SCFD1: variants seen among roughly 807,000 people sequenced by gnomAD.
The protein encoded by SCFD1 is sec1 family domain-containing protein 1.
Under a neutral mutation model 103.2 loss-of-function variants are expected in SCFD1, and 37 were observed. The observed-to-expected ratio is 0.36, with a 90% confidence interval of 0.28 to 0.47. SCFD1 has a LOEUF of 0.47. Ranked by LOEUF, SCFD1 falls within the 20% of genes least tolerant of loss-of-function variation. The probability of loss-of-function intolerance (pLI) is 1.00; values close to 1 mark genes in which losing one functional copy is unlikely to be tolerated. For synonymous variants in SCFD1, 264 were observed against 245.0 expected (o/e 1.08, Z -0.73); for missense variants, 639 against 761.2 (o/e 0.84, Z 1.89).
chr14:30,655,895 A>G (rs1886851848), intron 10 of SCFD1, among the ~76,000 whole-genome samples: 1 of 152,168 alleles, frequency 6.6e-6, no homozygotes, highest in Admixed American at 6.5e-5. Flanking sequence ...GGGGAGGCCA[A>G]GGCAGGAGGA....
chr14:30,702,403 T>G, intron 17 of SCFD1, 28 bp downstream of exon 17: 1 of 1,404,314 alleles, frequency 7.1e-7, no homozygotes, highest in Non-Finnish European at 9.9e-7. Context: ...CTTTAATTCC[T>G]GTCATTTAAA....
intron 23 of SCFD1, among the ~76,000 whole-genome samples, chr14:30,728,608 G>A (rs557740525): frequency 2.0e-5 from 3 of 152,168 alleles, no homozygotes; most frequent in Admixed American, 6.5e-5. Flanking sequence ...GAATTGTTGC[G>A]TCACTTAGTA....
Position 30,680,550 on chromosome 14 carries a change from A to G in SCFD1, c.1242+5485A>G, listed in dbSNP as rs79023281. ...CTACCATGCTGTAGTTCCATAAAAC[A>G]TATCTACTAAAATTCAGTGAGAATG... On this transcript the variant is annotated intron_variant, in intron 14 of 24. Transcript: ENST00000458591. Among the ~76,000 whole-genome samples, 744 of 152,320 alleles carry G rather than the reference A, an allele frequency of 4.9e-3. 7 individuals are homozygous for G. The highest frequency in any genetic ancestry group is 0.016 in the African/African-American group (685 of 41,572).
intron 11 of SCFD1, among the ~76,000 whole-genome samples, chr14:30,671,254 A>T (rs1039063794): frequency 6.6e-6 from 1 of 152,078 alleles, no homozygotes; most frequent in Non-Finnish European, 1.5e-5. Flanking sequence ...GCCATAACAA[A>T]GATTTGACTT....
At chr14:30,719,260 TA>T in intron 20 of SCFD1, 64 bp from the exon 21 acceptor site, 2 of 1,014,248 alleles carry the variant, frequency 2.0e-6, no homozygotes, top group Non-Finnish European at 3.0e-6. Flanking sequence ...TAGGATACTC[TA>T]AGCCAAACTG....
chr14:30,639,972 C>T, intron 6 of SCFD1, 108 bp downstream of exon 6: 3 of 1,258,216 alleles, frequency 2.4e-6, no homozygotes. Context: ...TTGTTTACAG[C>T]AGTAGAGCTA....
At chr14:30,671,439 T>A (rs1022642043) in intron 11 of SCFD1, among the ~76,000 whole-genome samples, 1 of 152,160 alleles carries the variant, frequency 6.6e-6, no homozygotes, top group Admixed American at 6.5e-5. Flanking sequence ...TAGAGAGGCA[T>A]TATTTATAGA....
At chr14:30,721,658 A>C in intron 21 of SCFD1, 2 of 511,890 alleles carry the variant, frequency 3.9e-6, no homozygotes, top group Non-Finnish European at 6.9e-6. Context: ...GGGTTGACCC[A>C]TTTCCTTTTA....
intron 3 of SCFD1, among the ~76,000 whole-genome samples, chr14:30,632,145 G>A (rs1347044362): frequency 6.6e-6 from 1 of 150,956 alleles, no homozygotes; most frequent in African/African-American, 2.4e-5. Context: ...CAATTTTATG[G>A]TGTTCTAAGC....
intron 7 of SCFD1, 79 bp from the exon 8 acceptor site, chr14:30,649,448 AT>A: frequency 1.2e-6 from 1 of 835,860 alleles, no homozygotes; most frequent in Non-Finnish European, 1.9e-6. Context: ...CACATCTGTT[AT>A]TTTTGATGCT....
At chr14:30,674,817 A>G (rs1421964836) in intron 13 of SCFD1, among the ~76,000 whole-genome samples, 167 bp from the exon 14 acceptor site, 3 of 152,204 alleles carry the variant, frequency 2.0e-5, no homozygotes, top group Non-Finnish European at 4.4e-5. Context: ...ATTAATAAAT[A>G]CTGTAGGTGT....
intron 4 of SCFD1, among the ~76,000 whole-genome samples, chr14:30,636,788 T>G (rs1014183686): frequency 6.6e-6 from 1 of 152,128 alleles, no homozygotes; most frequent in African/African-American, 2.4e-5. Flanking sequence ...TTAATGCTTA[T>G]TATGAATGGA....
intron 10 of SCFD1, among the ~76,000 whole-genome samples, chr14:30,668,620 GA>G (rs1188843666): frequency 2.0e-5 from 3 of 152,104 alleles, no homozygotes; most frequent in Non-Finnish European, 4.4e-5. Flanking sequence ...GCGGCCTACA[GA>G]ATGGGAGAAA....
At chr14:30,677,028 T>C (rs1392243201) in intron 14 of SCFD1, among the ~76,000 whole-genome samples, 1 of 152,218 alleles carries the variant, frequency 6.6e-6, no homozygotes, top group Non-Finnish European at 1.5e-5. Context: ...CAATTCTACT[T>C]GAAGACCTCT....
rs543860878 is a variant in SCFD1 at position 30,718,040 on chromosome 14, A to T, written c.1684-1285A>T. ...TTACCCAAGGACACACAGCTAATAA[A>T]TGTCAAACTGAAGATTTTAACTAAA... On this transcript the variant is annotated intron_variant, in intron 20 of 24. Transcript: ENST00000458591. 3.9e-5 allele frequency among the ~76,000 whole-genome samples: 6 copies of T among 152,308 alleles called. No homozygotes were observed. The South Asian group carries it at 1.0e-3, about 26-fold the overall frequency.
At chr14:30,628,080 T>C (rs1273652262) in intron 1 of SCFD1, 129 bp from the exon 2 acceptor site, 7 of 610,348 alleles carry the variant, frequency 1.1e-5, no homozygotes, top group Admixed American at 5.7e-5. Context: ...TCTACACATA[T>C]AGTCATTTGG....
chr14:30,730,406 T>C (rs941142171), intron 23 of SCFD1, among the ~76,000 whole-genome samples: 2 of 152,260 alleles, frequency 1.3e-5, no homozygotes, highest in Admixed American at 6.5e-5. Flanking sequence ...ATGGTATTTC[T>C]AGTTCTACAT....
Position 30,670,353 on chromosome 14 carries a change from A to T in SCFD1, c.953A>T (p.Asp318Val). The change falls in exon 11 of 25, where the codon GAT (aspartate) becomes GTT (valine). Residue 318 changes from aspartate (D) to valine (V), a missense_variant. Transcript: ENST00000458591. ...RPKRKNKKSY[D>V]LTPVDKFWQK... ...AAGAGAAAAAACAAGAAGTCTTATGATTTAACTCCGGTTGATAAATTTTGG... is the reference window on the plus strand; with the variant it reads ...AAGAGAAAAAACAAGAAGTCTTATGTTTTAACTCCGGTTGATAAATTTTGG... 6.3e-7 allele frequency: 1 copy of T among 1,588,960 alleles called. No homozygotes were observed. The highest frequency in any genetic ancestry group is 8.5e-7 in the Non-Finnish European group (1 of 1,170,684).
intron 7 of SCFD1, among the ~76,000 whole-genome samples, chr14:30,648,185 T>G (rs1227456009): frequency 6.6e-6 from 1 of 152,220 alleles, no homozygotes; most frequent in Non-Finnish European, 1.5e-5. Flanking sequence ...GAGGGTTACG[T>G]TTATACATTT....
Sources: allele counts gnomAD v4.1 joint callset (sites outside exome capture counted in the v4.1 genomes callset), GRCh38; gene constraint gnomAD v4.1.1; transcripts MANE v1.5; gene names NCBI Gene and HGNC (gene_info 2026-07-23, HGNC 2026-07-21).